Variants in PCNP observed in about 807,000 individuals in gnomAD.
PCNP encodes the protein PEST proteolytic signal-containing nuclear protein.
Under a neutral mutation model 21.8 loss-of-function variants are expected in PCNP, and 6 were observed. That is an observed-to-expected ratio of 0.28 (90% CI 0.15 to 0.54). PCNP has a LOEUF of 0.54. Ranked by LOEUF, PCNP falls within the 20% of genes least tolerant of loss-of-function variation. The pLI is 0.95. For synonymous variants in PCNP, 67 were observed against 73.2 expected (o/e 0.92, Z 0.43); for missense variants, 161 against 215.5 (o/e 0.75, Z 1.58).
intron 2 of PCNP, among the ~76,000 whole-genome samples, chr3:101,581,468 C>G (rs1163488613): frequency 2.6e-5 from 4 of 152,040 alleles, no homozygotes; most frequent in Admixed American, 2.6e-4. Flanking sequence ...GTCTCTCACT[C>G]TGTCATCCAA....
upstream of PCNP, chr3:101,574,137 T>A (rs1464354379): frequency 7.9e-6 from 12 of 1,514,190 alleles, no homozygotes; most frequent in Admixed American, 1.2e-4. Context: ...CCACGCCGGC[T>A]GGCCCCAAAA....
At chr3:101,589,744 T>C (rs1427408769) in intron 3 of PCNP, 1 of 165,878 alleles carries the variant, frequency 6.0e-6, no homozygotes, top group Non-Finnish European at 1.3e-5. Context: ...TTTATTGTAG[T>C]AGATATTTTT....
At chr3:101,574,108 G>T (rs1330452268), upstream of PCNP, 2 of 1,444,058 alleles carry the variant, frequency 1.4e-6, no homozygotes, top group Non-Finnish European at 9.2e-7. Flanking sequence ...TCATTCCTCG[G>T]GACCGCTCTA....
intron 3 of PCNP, 74 bp downstream of exon 3, chr3:101,585,585 T>C: frequency 1.2e-6 from 1 of 843,294 alleles, no homozygotes; most frequent in Non-Finnish European, 1.9e-6. Flanking sequence ...AAATTATAGG[T>C]TATAATAGTA....
At chr3:101,588,085 C>T (rs1433825622) in intron 3 of PCNP, among the ~76,000 whole-genome samples, 3 of 152,158 alleles carry the variant, frequency 2.0e-5, no homozygotes. Flanking sequence ...ATCTGGCTAA[C>T]ATGGTGAAAC....
chr3:101,576,073 G>A (rs1934863350), intron 1 of PCNP, among the ~76,000 whole-genome samples: 2 of 152,144 alleles, frequency 1.3e-5, no homozygotes, highest in African/African-American at 2.4e-5. Context: ...GTTAAAATAT[G>A]TCATACCATG....
At chr3:101,589,270 C>G (rs1165680384) in intron 3 of PCNP, among the ~76,000 whole-genome samples, 2 of 152,178 alleles carry the variant, frequency 1.3e-5, no homozygotes, top group Admixed American at 1.3e-4. Flanking sequence ...GTAGAAGTCC[C>G]TTTAAGCTGG....
intron 3 of PCNP, 106 bp downstream of exon 3, chr3:101,585,617 A>G (rs1935457856): frequency 3.1e-6 from 2 of 635,230 alleles, no homozygotes; most frequent in Non-Finnish European, 5.4e-6. Flanking sequence ...TCTTTATAAT[A>G]GTTTTTGTGT....
intron 2 of PCNP, among the ~76,000 whole-genome samples, chr3:101,583,161 C>CA (rs1935315530): frequency 2.0e-5 from 3 of 151,920 alleles, no homozygotes; most frequent in Admixed American, 2.0e-4. Flanking sequence ...CTCTTCTCTA[C>CA]AAAAAGTAAA....
At chr3:101,579,675 G>A in intron 1 of PCNP, 115 bp from the exon 2 acceptor site, 1 of 767,698 alleles carries the variant, frequency 1.3e-6, no homozygotes. Flanking sequence ...TGTTGGGTCA[G>A]TAGGTGACAA....
chr3:101,580,700 G>T (rs1008439165), intron 2 of PCNP, among the ~76,000 whole-genome samples: 1 of 152,068 alleles, frequency 6.6e-6, no homozygotes, highest in Non-Finnish European at 1.5e-5. Context: ...TAAGATGTCA[G>T]CCTTAGATTA....
chr3:101,576,513 G>T (rs959678889), intron 1 of PCNP: 14 of 1,608,948 alleles, frequency 8.7e-6, no homozygotes, highest in African/African-American at 1.3e-5. Context: ...ACACACCCAC[G>T]GTGCGGCCAC....
At chr3:101,580,394 A>G (rs950386265) in intron 2 of PCNP, among the ~76,000 whole-genome samples, 9 of 152,148 alleles carry the variant, frequency 5.9e-5, no homozygotes, top group African/African-American at 1.4e-4. Flanking sequence ...AGCAAGATCT[A>G]TCTCTACAAA....
chr3:101,590,349 GT>G (rs2108292283), intron 4 of PCNP, 79 bp downstream of exon 4: 1 of 772,246 alleles, frequency 1.3e-6, no homozygotes, highest in African/African-American at 1.8e-5. Flanking sequence ...ATTTCTTACA[GT>G]TCAGGCTTTT....
rs1935145785 is a variant in PCNP, at chr3:101,580,092, AG to A, written c.279+91del. On this transcript the variant is annotated intron_variant, in intron 2 of 4. Coordinates refer to ENST00000265260, the MANE Select transcript of PCNP (RefSeq NM_020357.3). Reference sequence around the variant, plus strand: ...GCGTTTACTAGGTTATGGTAAATTAAGGGTGAAAAGGTACATTGTTTGAGAA... The same window carrying A: ...GCGTTTACTAGGTTATGGTAAATTAAGGTGAAAAGGTACATTGTTTGAGAA... The A allele has an allele frequency of 9.1e-6, 8 of 879,180 alleles. No homozygotes were observed. In the Admixed American group the frequency reaches 1.6e-4, roughly 17 times the overall value. The allele number at this position is 879,180 out of a possible 1,614,324, so 54.5% of individuals were successfully genotyped here.
At chr3:101,586,571 T>TGTGTGTGTGAGAGAGAGA in intron 3 of PCNP, among the ~76,000 whole-genome samples, 1 of 114,140 alleles carries the variant, frequency 8.8e-6, no homozygotes, top group African/African-American at 3.0e-5. Flanking sequence ...TGTGTGTGTG[T>TGTGTGTGTGAGAGAGAGA]GAGAGAGAGA....
upstream of PCNP, chr3:101,574,168 G>A: frequency 1.3e-6 from 2 of 1,539,288 alleles, no homozygotes; most frequent in South Asian, 2.4e-5. Flanking sequence ...TGTTGGGCGG[G>A]GTCGTGACGT....
chr3:101,587,296 G>GT (rs879310037), intron 3 of PCNP, among the ~76,000 whole-genome samples: 11 of 151,922 alleles, frequency 7.2e-5, no homozygotes, highest in Non-Finnish European at 1.3e-4. Flanking sequence ...TCAATTTTCA[G>GT]GTCACAAGCA....
At chr3:101,590,700 A>C (rs542391819) in intron 4 of PCNP, among the ~76,000 whole-genome samples, 69 of 149,436 alleles carry the variant, frequency 4.6e-4, no homozygotes, top group Non-Finnish European at 8.5e-4. Flanking sequence ...ATATGCCATG[A>C]CACCCGGCTG....
Sources: allele counts gnomAD v4.1 joint callset (sites outside exome capture counted in the v4.1 genomes callset), GRCh38; gene constraint gnomAD v4.1.1; transcripts MANE v1.5; gene names NCBI Gene and HGNC (gene_info 2026-07-23, HGNC 2026-07-21).